Variants in CNTNAP2 observed in about 807,000 individuals in gnomAD.
The protein encoded by CNTNAP2 is contactin-associated protein-like 2.
In CNTNAP2, 98 loss-of-function variants were observed where a neutral mutation model predicts 155.2. The ratio of observed to expected loss-of-function variants is 0.63; its 90% CI spans 0.54 to 0.75. CNTNAP2 has a LOEUF of 0.75. Ranked by LOEUF, CNTNAP2 falls within the 30% of genes least tolerant of loss-of-function variation. CNTNAP2 has a pLI of 0.00. For missense variants in CNTNAP2, 1,727 were observed against 1,688.1 expected (o/e 1.02, Z -0.40); for synonymous variants, 651 against 631.2 (o/e 1.03, Z -0.47).
intron 1 of CNTNAP2, among the ~76,000 whole-genome samples, chr7:146,257,347 C>T (rs1373348909): frequency 6.6e-6 from 1 of 152,154 alleles, no homozygotes; most frequent in East Asian, 1.9e-4. Flanking sequence ...ATCTCTGCCT[C>T]TTTTTCTTAT....
chr7:146,367,320 C>A (rs1358164129), intron 1 of CNTNAP2, among the ~76,000 whole-genome samples: 1 of 152,068 alleles, frequency 6.6e-6, no homozygotes, highest in Non-Finnish European at 1.5e-5. Context: ...TTGTAAGCGG[C>A]AGAGCAAATG....
intron 2 of CNTNAP2, among the ~76,000 whole-genome samples, chr7:146,796,661 T>C (rs1210336430): frequency 2.0e-5 from 3 of 152,092 alleles, no homozygotes; most frequent in Non-Finnish European, 4.4e-5. Context: ...GAAACATAGC[T>C]TGGCCACTTA....
At chr7:146,997,460 A>G (rs1031974122) in intron 3 of CNTNAP2, among the ~76,000 whole-genome samples, 5 of 151,956 alleles carry the variant, frequency 3.3e-5, no homozygotes, top group African/African-American at 1.2e-4. Context: ...TTTGCTGTTG[A>G]ATTTGGTTTA....
At chr7:147,365,383 G>GAAAAAAAAAAAAAAAAAAAA (rs10557373) in intron 9 of CNTNAP2, among the ~76,000 whole-genome samples, 1 of 93,652 alleles carries the variant, frequency 1.1e-5, no homozygotes, top group East Asian at 6.3e-4. Context: ...ATCTCAAAAA[G>GAAAAAAAAAAAAAAAAAAAA]AAAAAAAAAA....
intron 1 of CNTNAP2, 84 bp from the exon 2 acceptor site, chr7:146,774,187 A>G: frequency 1.1e-6 from 1 of 937,368 alleles, no homozygotes; most frequent in Admixed American, 2.0e-5. Context: ...TATCAGATTC[A>G]ATGATTTTTT....
chr7:146,558,623 T>C (rs894509587), intron 1 of CNTNAP2, among the ~76,000 whole-genome samples: 3 of 152,262 alleles, frequency 2.0e-5, no homozygotes, highest in Admixed American at 2.0e-4. Context: ...GAACATTTAA[T>C]ATAAGAGGTA....
intron 1 of CNTNAP2, among the ~76,000 whole-genome samples, chr7:146,136,136 G>A (rs901376002): frequency 6.6e-6 from 1 of 152,030 alleles, no homozygotes; most frequent in Admixed American, 6.6e-5. Flanking sequence ...TTCCACACAT[G>A]AGCAAATGTA....
chr7:148,235,743 C>G (rs965549520), intron 20 of CNTNAP2, among the ~76,000 whole-genome samples: 1 of 142,124 alleles, frequency 7.0e-6, no homozygotes, highest in Non-Finnish European at 1.5e-5. Context: ...TGGAGTGCAG[C>G]GGCACGATCT....
At chr7:147,020,801 T>A (rs923275477) in intron 3 of CNTNAP2, among the ~76,000 whole-genome samples, 6 of 152,142 alleles carry the variant, frequency 3.9e-5, no homozygotes, top group African/African-American at 1.4e-4. Flanking sequence ...AATTGAATAT[T>A]TCCTTCATCC....
chr7:146,868,364 C>T (rs1795243805), intron 3 of CNTNAP2, among the ~76,000 whole-genome samples: 1 of 152,088 alleles, frequency 6.6e-6, no homozygotes, highest in South Asian at 2.1e-4. Flanking sequence ...CTATTCTGTT[C>T]CATTGGTCTA....
At chr7:146,322,390 T>C (rs1236078575) in intron 1 of CNTNAP2, among the ~76,000 whole-genome samples, 1 of 152,158 alleles carries the variant, frequency 6.6e-6, no homozygotes, top group African/African-American at 2.4e-5. Flanking sequence ...ATGTGCATGA[T>C]GTTTAGAGGC....
intron 1 of CNTNAP2, among the ~76,000 whole-genome samples, chr7:146,419,280 G>A (rs1795978427): frequency 6.6e-6 from 1 of 151,994 alleles, no homozygotes; most frequent in South Asian, 2.1e-4. Flanking sequence ...AGAACAGTAT[G>A]GGGGAAACTG....
chr7:147,871,556 G>A (rs897580205), intron 13 of CNTNAP2, among the ~76,000 whole-genome samples: 3 of 152,012 alleles, frequency 2.0e-5, no homozygotes, highest in African/African-American at 7.3e-5. Flanking sequence ...TGGGGTATCA[G>A]CCCCCACTAC....
rs546696579 is a variant in CNTNAP2 at position 147,812,665 on chromosome 7, C to T, written c.2099-90900C>T. ...AGGCCTCAGGTCCTCTCTCTGCTCTCGCTGGTTTTCAGAGAGGCGCTCCTC... is the reference window on the plus strand; with the variant it reads ...AGGCCTCAGGTCCTCTCTCTGCTCTTGCTGGTTTTCAGAGAGGCGCTCCTC... On this transcript the variant is annotated intron_variant, in intron 13 of 23. Transcript: ENST00000361727. Among the ~76,000 whole-genome samples the T allele has an allele frequency of 1.2e-4, 19 of 152,278 alleles. 1 individual carries two copies. The South Asian group carries it at 2.7e-3, about 22-fold the overall frequency.
intron 8 of CNTNAP2, among the ~76,000 whole-genome samples, chr7:147,294,757 C>T (rs1805396775): frequency 6.6e-6 from 1 of 151,966 alleles, no homozygotes; most frequent in Admixed American, 6.6e-5. Flanking sequence ...ATCCCGGGTT[C>T]AAGCAATTCT....
intron 11 of CNTNAP2, among the ~76,000 whole-genome samples, chr7:147,497,855 C>T (rs901732003): frequency 3.9e-5 from 6 of 152,166 alleles, no homozygotes; most frequent in Non-Finnish European, 5.9e-5. Context: ...ACAGCACAAA[C>T]TTTGTTAATT....
At chr7:147,072,724 A>G (rs1799917453) in intron 4 of CNTNAP2, among the ~76,000 whole-genome samples, 1 of 152,186 alleles carries the variant, frequency 6.6e-6, no homozygotes, top group East Asian at 1.9e-4. Flanking sequence ...GGGCAATACC[A>G]TGCAGGTATG....
chr7:147,395,613 T>C lies in CNTNAP2; in HGVS notation c.1503T>C (p.Phe501=). ...KTGEKYFFGG[F]LNQMNNSSHS... is the part of the protein sequence containing the mutation. ...CCCATTTCTTCTGTTTCACAGGTTT[T>C]CTGAACCAGATGAATAACTCAAGTC... The change falls in exon 10 of 24, where the codon TTT becomes TTC. Residue 501 remains phenylalanine (F), a synonymous_variant. Coordinates refer to ENST00000361727, the MANE Select transcript of CNTNAP2 (RefSeq NM_014141.6). 1 of 1,611,830 alleles carries C rather than the reference T, an allele frequency of 6.2e-7. No individual in the cohort carries two copies. The highest frequency in any genetic ancestry group is 8.5e-7 in the Non-Finnish European group (1 of 1,178,312).
chr7:147,452,210 G>A (rs1373074818), intron 10 of CNTNAP2, among the ~76,000 whole-genome samples: 1 of 152,132 alleles, frequency 6.6e-6, no homozygotes, highest in Non-Finnish European at 1.5e-5. Flanking sequence ...ATCTTTATAT[G>A]AATACACATA....
Sources: allele counts gnomAD v4.1 joint callset (sites outside exome capture counted in the v4.1 genomes callset), GRCh38; gene constraint gnomAD v4.1.1; transcripts MANE v1.5; gene names NCBI Gene and HGNC (gene_info 2026-07-23, HGNC 2026-07-21).